The following KCNU1 variants were observed in gnomAD, a reference collection of about 807,000 sequenced individuals.
The protein encoded by KCNU1 is potassium calcium-activated channel subfamily U member 1.
KCNU1 carries 93 observed loss-of-function variants against 126.8 expected under a neutral mutation model. The ratio of observed to expected loss-of-function variants is 0.73; its 90% confidence interval spans 0.62 to 0.87. The LOEUF is 0.87. Ranked by LOEUF, KCNU1 falls within the 40% of genes least tolerant of loss-of-function variation. The pLI is 0.00. For missense variants in KCNU1, 1,330 were observed against 1,367.1 expected (o/e 0.97, Z 0.43); for synonymous variants, 523 against 494.2 (o/e 1.06, Z -0.77).
At chr8:36,846,788 G>GAA (rs373337302) in intron 18 of KCNU1, among the ~76,000 whole-genome samples, 40,101 of 109,692 alleles carry the variant, frequency 0.37, 6,892 homozygotes, top group Admixed American at 0.43. Flanking sequence ...GCGACAGAGC[G>GAA]AAAAAAAAAA....
At chr8:36,799,072 G>A (rs2130379666) in intron 2 of KCNU1, among the ~76,000 whole-genome samples, 1 of 152,254 alleles carries the variant, frequency 6.6e-6, no homozygotes, top group South Asian at 2.1e-4. Flanking sequence ...GAAGCTCACA[G>A]TTAGTTATGC....
At chr8:36,902,142 T>A (rs1807444372) in intron 19 of KCNU1, among the ~76,000 whole-genome samples, 8 of 152,118 alleles carry the variant, frequency 5.3e-5, no homozygotes, top group Admixed American at 5.2e-4. Context: ...ATGGATGCCT[T>A]TATGATGAAG....
chr8:36,821,039 T>G (rs1315433875), intron 10 of KCNU1, among the ~76,000 whole-genome samples: 1 of 152,098 alleles, frequency 6.6e-6, no homozygotes, highest in Non-Finnish European at 1.5e-5. Context: ...ATTTTTCTGA[T>G]AGCAGCCCTA....
chr8:36,845,557 A>G (rs1805111548), intron 16 of KCNU1, 23 bp from the exon 17 acceptor site: 2 of 1,387,116 alleles, frequency 1.4e-6, no homozygotes, highest in Non-Finnish European at 2.0e-6. Context: ...AAACATTACC[A>G]TGTGTTTATT....
chr8:36,797,572 A>T (rs945344862), intron 2 of KCNU1, among the ~76,000 whole-genome samples: 1 of 151,842 alleles, frequency 6.6e-6, no homozygotes, highest in African/African-American at 2.4e-5. Context: ...ACCTAATTTT[A>T]TCAGTTTTAT....
intron 13 of KCNU1, 25 bp downstream of exon 13, chr8:36,836,390 C>T: frequency 7.7e-6 from 11 of 1,434,094 alleles, no homozygotes; most frequent in Non-Finnish European, 1.1e-5. Context: ...TAGCATATTC[C>T]ATCTCCTCCT....
At chr8:36,807,285 A>G (rs1803538589) in intron 5 of KCNU1, 90 bp from the exon 6 acceptor site, 1 of 874,340 alleles carries the variant, frequency 1.1e-6, no homozygotes, top group African/African-American at 1.7e-5. Context: ...AAGAAAAAGA[A>G]TGTAAGTGAT....
intron 10 of KCNU1, among the ~76,000 whole-genome samples, chr8:36,832,026 T>C (rs1406952604): frequency 5.9e-5 from 9 of 152,152 alleles, no homozygotes; most frequent in African/African-American, 1.9e-4. Context: ...GAATCCTTTT[T>C]CCATTGCTTG....
chr8:36,870,171 T>A (rs1806050876), intron 19 of KCNU1, among the ~76,000 whole-genome samples: 1 of 152,108 alleles, frequency 6.6e-6, no homozygotes, highest in Non-Finnish European at 1.5e-5. Context: ...CAAACTGTAG[T>A]CCATCCAGAA....
chr8:36,860,072 C>G (rs1805674100), intron 18 of KCNU1, among the ~76,000 whole-genome samples: 1 of 134,166 alleles, frequency 7.5e-6, no homozygotes, highest in Non-Finnish European at 1.6e-5. Context: ...TATTTTAACC[C>G]ATTACCTGAT....
chr8:36,823,098 A>G (rs1309814546), intron 10 of KCNU1, among the ~76,000 whole-genome samples: 1 of 152,152 alleles, frequency 6.6e-6, no homozygotes, highest in African/African-American at 2.4e-5. Context: ...TAATTCAGCA[A>G]TTGTTAGGGG....
At chr8:36,866,177 A>G (rs1294713294) in intron 19 of KCNU1, among the ~76,000 whole-genome samples, 1 of 152,142 alleles carries the variant, frequency 6.6e-6, no homozygotes, top group Non-Finnish European at 1.5e-5. Context: ...TGAGAGTGTA[A>G]TAAGTGCAGA....
At chr8:36,801,912 C>A (rs1803321315) in intron 2 of KCNU1, among the ~76,000 whole-genome samples, 1 of 151,978 alleles carries the variant, frequency 6.6e-6, no homozygotes, top group South Asian at 2.1e-4. Flanking sequence ...AGTTTAGGAC[C>A]AGGCTGTCCA....
At chr8:36,832,722 T>G (rs914668868) in intron 10 of KCNU1, among the ~76,000 whole-genome samples, 1 of 152,088 alleles carries the variant, frequency 6.6e-6, no homozygotes, top group Non-Finnish European at 1.5e-5. Context: ...TTTTTGTTCC[T>G]TTTTCATTGT....
chr8:36,832,791 C>T (rs1804600644), intron 10 of KCNU1, among the ~76,000 whole-genome samples: 1 of 151,990 alleles, frequency 6.6e-6, no homozygotes, highest in Non-Finnish European at 1.5e-5. Context: ...TATTCTAATA[C>T]ATCTCCAAAG....
intron 20 of KCNU1, among the ~76,000 whole-genome samples, chr8:36,908,500 T>G (rs1807725197): frequency 6.7e-6 from 1 of 149,228 alleles, no homozygotes; most frequent in African/African-American, 2.5e-5. Flanking sequence ...TAGGTATATC[T>G]CCTAATGCTA....
intron 20 of KCNU1, among the ~76,000 whole-genome samples, chr8:36,906,097 C>A (rs1011488620): frequency 9.2e-5 from 14 of 151,934 alleles, no homozygotes; most frequent in Admixed American, 6.6e-4. Flanking sequence ...GAATAATGTT[C>A]TCCTGAAGTT....
rs1287588788 is a variant in KCNU1, at chr8:36,905,751, A to G, written c.2053A>G (p.Ser685Gly). 6.2e-7 allele frequency: 1 copy of G among 1,606,464 alleles called. No individual in the cohort carries two copies. Among genetic ancestry groups the G allele is most frequent in the Non-Finnish European group, 8.5e-7 (1 of 1,174,790 alleles). The change falls in exon 20 of 27, where the codon AGC (serine) becomes GGC (glycine). Residue 685 changes from serine (S) to glycine (G), a missense_variant. Around this residue, in one of 3 missense-constraint regions of KCNU1, gnomAD observed 1,054 missense variants for 1,053.9 expected, o/e 1.00. Transcript: ENST00000399881. ...AGAACAAGATTCTGACCAGCTTGAT[A>G]GCAGTGGGATGTTTCACTGGTGCAA... The part of the protein sequence containing the change: ...DVEQDSDQLD[S>G]SGMFHWCKPT...
chr8:36,861,151 T>G (rs1805716556), intron 18 of KCNU1, among the ~76,000 whole-genome samples: 1 of 152,196 alleles, frequency 6.6e-6, no homozygotes, highest in Non-Finnish European at 1.5e-5. Context: ...TCTGCATACT[T>G]TCTTCTCTAA....
Sources: allele counts gnomAD v4.1 joint callset (sites outside exome capture counted in the v4.1 genomes callset), GRCh38; gene constraint gnomAD v4.1.1; regional missense constraint gnomAD v4.1.1; transcripts MANE v1.5; gene names NCBI Gene and HGNC (gene_info 2026-07-23, HGNC 2026-07-21).